The following CDH13 variants were observed in gnomAD, a reference collection of about 807,000 sequenced individuals.
CDH13 encodes the protein cadherin-13.
In CDH13, 24 loss-of-function variants were observed where a neutral mutation model predicts 63.8. The observed-to-expected ratio is 0.38, with a 90% CI of 0.27 to 0.53. The LOEUF (loss-of-function observed/expected upper bound fraction) is 0.53, where lower values mean the gene tolerates loss of function less well. Among genes scored for constraint, CDH13 ranks in the 20% least tolerant of loss-of-function variants. The pLI is 0.85. For synonymous variants in CDH13, 503 were observed against 355.3 expected, an observed-to-expected ratio of 1.42 and a Z score of -4.67; for missense variants, 1,049 against 903.1, an observed-to-expected ratio of 1.16 and a Z score of -2.07.
At chr16:83,511,108 G>GCATGCACACACACATGCACACGTGCACA (rs1567724699) in intron 7 of CDH13, among the ~76,000 whole-genome samples, 1 of 40,908 alleles carries the variant, frequency 2.4e-5, no homozygotes, top group Non-Finnish European at 4.8e-5. Context: ...ACACATGCAC[G>GCATGCACACACACATGCACACGTGCACA]CATGCACACA....
intron 1 of CDH13, among the ~76,000 whole-genome samples, chr16:82,689,818 T>C (rs376283784): frequency 6.6e-6 from 1 of 151,586 alleles, no homozygotes; most frequent in Admixed American, 6.6e-5. Flanking sequence ...GAAGATGTAA[T>C]GCATTTCTGT....
At chr16:82,789,304 C>A (rs151049435) in intron 1 of CDH13, among the ~76,000 whole-genome samples, 1 of 152,076 alleles carries the variant, frequency 6.6e-6, no homozygotes, top group Non-Finnish European at 1.5e-5. Context: ...TCCTTAAGCT[C>A]GGAGTTAAAA....
At chr16:82,812,693 T>C (rs2151183105) in intron 1 of CDH13, among the ~76,000 whole-genome samples, 1 of 152,284 alleles carries the variant, frequency 6.6e-6, no homozygotes, top group African/African-American at 2.4e-5. Flanking sequence ...AGACACATCT[T>C]TTAAGAAGTT....
chr16:83,794,001 G>A (rs1406881601), intron 13 of CDH13, among the ~76,000 whole-genome samples: 4 of 152,124 alleles, frequency 2.6e-5, no homozygotes, highest in Non-Finnish European at 5.9e-5. Context: ...AAAAAGAGAA[G>A]ATGCTGCAGT....
intron 1 of CDH13, among the ~76,000 whole-genome samples, chr16:82,697,739 TTGTGTGTGTGTGTGTGTGTG>T (rs56791322): frequency 0.42 from 62,034 of 146,300 alleles, 13,126 homozygotes; most frequent in Admixed American, 0.49. Flanking sequence ...GGCCGAGGCA[TTGTGTGTGTGTGTGTGTGTG>T]TGTGTGTGTG....
chr16:82,627,025 C>T lies in CDH13; in HGVS notation c.-68C>T. ...GCCTCTCCTCAAAGCCTGGCTCCCA[C>T]GGAAAATATGCTCAGTGCAGCCGCG... On this transcript the variant is annotated 5_prime_UTR_variant, in exon 1 of 14. The change creates a new upstream start codon in the 5' untranslated region. Transcript: ENST00000567109. The T allele has an allele frequency of 2.6e-6, 4 of 1,547,080 alleles. No homozygotes were observed. The highest frequency in any genetic ancestry group is 3.5e-6 in the Non-Finnish European group (4 of 1,141,428).
intron 6 of CDH13, among the ~76,000 whole-genome samples, chr16:83,466,414 A>T (rs2073317367): frequency 2.0e-5 from 3 of 152,252 alleles, no homozygotes. Context: ...GTCCAGCAAC[A>T]GAGGGCTGGA....
At chr16:82,666,604 A>AT (rs928581441) in intron 1 of CDH13, among the ~76,000 whole-genome samples, 1 of 152,202 alleles carries the variant, frequency 6.6e-6, no homozygotes, top group Admixed American at 6.5e-5. Flanking sequence ...AACTACTACT[A>AT]TTTTTTTGGC....
intron 1 of CDH13, among the ~76,000 whole-genome samples, chr16:82,755,684 A>G (rs2151075812): frequency 6.6e-6 from 1 of 152,342 alleles, no homozygotes; most frequent in South Asian, 2.1e-4. Flanking sequence ...TAAAACTGTT[A>G]AAATCACTGA....
intron 1 of CDH13, among the ~76,000 whole-genome samples, chr16:82,822,554 T>G (rs2038052825): frequency 6.6e-6 from 1 of 152,240 alleles, no homozygotes; most frequent in Non-Finnish European, 1.5e-5. Context: ...TGGAGTGCAG[T>G]GGTGCGATCA....
At chr16:83,018,755 G>A (rs1915054961) in intron 2 of CDH13, among the ~76,000 whole-genome samples, 1 of 152,218 alleles carries the variant, frequency 6.6e-6, no homozygotes, top group Non-Finnish European at 1.5e-5. Flanking sequence ...TACAACCTAT[G>A]GCTCCTCGGC....
intron 4 of CDH13, among the ~76,000 whole-genome samples, chr16:83,204,589 G>A (rs2039128407): frequency 6.6e-6 from 1 of 152,138 alleles, no homozygotes; most frequent in Admixed American, 6.6e-5. Context: ...CTTTCTATAA[G>A]TCCACGTTGT....
intron 7 of CDH13, among the ~76,000 whole-genome samples, chr16:83,557,445 G>C (rs9934248): frequency 0.01 from 1,552 of 152,240 alleles, 20 homozygotes; most frequent in African/African-American, 0.036. Flanking sequence ...ATGCTGAAAA[G>C]GTTGGGGACT....
intron 1 of CDH13, among the ~76,000 whole-genome samples, chr16:82,697,782 TGTGTG>T (rs879292742): frequency 0.01 from 1,087 of 107,166 alleles, 13 homozygotes; most frequent in African/African-American, 0.036. Context: ...TGTGTGTGTG[TGTGTG>T]TAAGTTTTTT....
chr16:83,271,214 G>C (rs1016153128), intron 5 of CDH13, among the ~76,000 whole-genome samples: 1 of 151,736 alleles, frequency 6.6e-6, no homozygotes, highest in African/African-American at 2.4e-5. Context: ...CAGTACAACT[G>C]AATCACATAT....
chr16:83,084,050 A>G (rs1013619618), intron 3 of CDH13, among the ~76,000 whole-genome samples: 4 of 152,226 alleles, frequency 2.6e-5, no homozygotes, highest in African/African-American at 9.6e-5. Flanking sequence ...TGGCCACATG[A>G]ACTGGCAGAA....
intron 7 of CDH13, among the ~76,000 whole-genome samples, chr16:83,501,774 A>G (rs1048822147): frequency 6.6e-6 from 1 of 152,214 alleles, no homozygotes. Context: ...AGCACGGGAC[A>G]TATTGATGGA....
chr16:82,649,791 G>A (rs2150905100), intron 1 of CDH13, among the ~76,000 whole-genome samples: 1 of 152,318 alleles, frequency 6.6e-6, no homozygotes, highest in South Asian at 2.1e-4. Context: ...CTGGGTTTGA[G>A]TCTCAACTCC....
At chr16:82,800,335 T>A (rs1410514653) in intron 1 of CDH13, among the ~76,000 whole-genome samples, 1 of 152,140 alleles carries the variant, frequency 6.6e-6, no homozygotes, top group Non-Finnish European at 1.5e-5. Context: ...GTTCAATGGG[T>A]TTCATAGCCA....
Sources: gnomAD v4.1 joint callset for allele counts (sites outside exome capture counted in the v4.1 genomes callset) on GRCh38, gnomAD v4.1.1 for gene constraint, MANE v1.5 for transcripts, NCBI Gene and HGNC (gene_info 2026-07-23, HGNC 2026-07-21) for gene names.